ITGA2: variants seen among roughly 807,000 people sequenced by gnomAD.
ITGA2 encodes the protein integrin alpha-2.
ITGA2 carries 101 observed loss-of-function variants against 146.3 expected under a neutral mutation model. That is an observed-to-expected ratio of 0.69 (90% CI 0.59 to 0.81). The LOEUF (loss-of-function observed/expected upper bound fraction) is 0.81. Among genes scored for constraint, ITGA2 ranks in the 40% least tolerant of loss-of-function variants. The pLI is 0.00. For missense variants in ITGA2, 1,281 were observed against 1,402.7 expected (o/e 0.91, Z 1.39); for synonymous variants, 477 against 487.1 (o/e 0.98, Z 0.27).
At chr5:52,999,763 A>G (rs964272562) in intron 1 of ITGA2, among the ~76,000 whole-genome samples, 2 of 152,222 alleles carry the variant, frequency 1.3e-5, no homozygotes, top group Non-Finnish European at 2.9e-5. Flanking sequence ...GCTATGGTAA[A>G]CAGTCATCAG....
intron 14 of ITGA2, 22 bp downstream of exon 14, chr5:53,065,137 T>C: frequency 1.9e-6 from 3 of 1,605,062 alleles, no homozygotes; most frequent in Non-Finnish European, 2.6e-6. Context: ...GCTGTTATGG[T>C]GATGTATGTA....
intron 6 of ITGA2, 45 bp downstream of exon 6, chr5:53,048,815 GA>G (rs368879168): frequency 8.0e-4 from 1,280 of 1,599,336 alleles, no homozygotes; most frequent in Admixed American, 1.2e-3. Flanking sequence ...CTTTCTTTCT[GA>G]AAAAAATATT....
At chr5:53,057,483 C>T (rs1269690448) in intron 9 of ITGA2, among the ~76,000 whole-genome samples, 2 of 151,908 alleles carry the variant, frequency 1.3e-5, no homozygotes, top group South Asian at 2.1e-4. Flanking sequence ...AACAAACTTC[C>T]CAATTGGTAA....
At chr5:53,062,261 T>G (rs1744936541) in intron 12 of ITGA2, among the ~76,000 whole-genome samples, 1 of 151,920 alleles carries the variant, frequency 6.6e-6, no homozygotes, top group Non-Finnish European at 1.5e-5. Flanking sequence ...AATGATATTT[T>G]AACTTTCTAA....
chr5:53,074,254 T>C lies in ITGA2; in HGVS notation c.2572-131T>C, dbSNP rs1394177437. 5.5e-6 allele frequency: 4 copies of C among 732,366 alleles called. No individual in the cohort carries two copies. The East Asian group carries it at 1.1e-4, about 20-fold the overall frequency. 45.4% of individuals were successfully genotyped at this position (732,366 alleles called of 1,614,324 possible). On this transcript the variant is annotated intron_variant, in intron 20 of 29. Coordinates refer to ENST00000296585, the MANE Select transcript of ITGA2 (RefSeq NM_002203.4). ...CAGTATAAAATTTCAAGTCTTGAGG[T>C]ATAATAAATTATTTCAGTATGAACC...
At chr5:53,011,151 C>T (rs971061251) in intron 1 of ITGA2, among the ~76,000 whole-genome samples, 8 of 152,084 alleles carry the variant, frequency 5.3e-5, no homozygotes, top group Non-Finnish European at 1.2e-4. Flanking sequence ...TAAACCACAA[C>T]GTTTATGGTA....
At position 53,009,700 on chromosome 5, in the gene ITGA2, G is replaced by A. The variant is rs550434641; in HGVS notation, c.65-17048G>A. 9.2e-5 allele frequency among the ~76,000 whole-genome samples: 14 copies of A among 152,186 alleles called. No homozygotes were observed. In the South Asian group the frequency reaches 2.9e-3, roughly 32 times the overall value. On this transcript the variant is annotated intron_variant, in intron 1 of 29. Coordinates refer to ENST00000296585, the MANE Select transcript of ITGA2 (RefSeq NM_002203.4). ...ATATGCTGAGTGTTATGGACTGAAT[G>A]TTTGTGTCTCTCCAAAATGCATGTG...
chr5:53,027,011 G>A, intron 2 of ITGA2, 143 bp downstream of exon 2: 1 of 724,644 alleles, frequency 1.4e-6, no homozygotes, highest in Non-Finnish European at 2.4e-6. Context: ...ATCTTTCTTT[G>A]AGAGTTGACA....
chr5:53,021,344 A>G (rs1742671887), intron 1 of ITGA2, among the ~76,000 whole-genome samples: 6 of 152,194 alleles, frequency 3.9e-5, no homozygotes, highest in Admixed American at 3.9e-4. Context: ...TTCTTAGGCC[A>G]CCTAAGACTG....
Position 53,065,967 on chromosome 5 carries a change from G to T in ITGA2, c.1933G>T (p.Val645Phe). The T allele has an allele frequency of 6.2e-7, 1 of 1,611,866 alleles. No individual in the cohort carries two copies. The highest frequency in any genetic ancestry group is 8.5e-7 in the Non-Finnish European group (1 of 1,178,552). Reference protein sequence around the residue: ...DVSIGAFGQVVQLWSQSIADV... With the variant: ...DVSIGAFGQVFQLWSQSIADV... Reference sequence around the variant, plus strand: ...GTCTATTGGTGCCTTTGGACAAGTGGTTCAACTCTGGTGAGTCAGGAAGAG... The same window carrying T: ...GTCTATTGGTGCCTTTGGACAAGTGTTTCAACTCTGGTGAGTCAGGAAGAG... The change falls in exon 15 of 30, where the codon GTT (valine) becomes TTT (phenylalanine). Residue 645 changes from valine to phenylalanine, a missense_variant. Val to Phe is a conservative substitution (Grantham distance 50, BLOSUM62 -1). Around this residue, in one of 3 missense-constraint regions of ITGA2, gnomAD observed 795 missense variants for 841.7 expected, o/e 0.94. Coordinates refer to ENST00000296585, the MANE Select transcript of ITGA2 (RefSeq NM_002203.4).
Position 53,073,126 on chromosome 5 carries a change from C to A in ITGA2, c.2438C>A (p.Pro813His), listed in dbSNP as rs374825162. 2.0e-5 allele frequency: 33 copies of A among 1,611,704 alleles called. No homozygotes were observed. The highest frequency in any genetic ancestry group is 2.7e-5 in the Non-Finnish European group (32 of 1,178,670). Residue 813 changes from proline to histidine, a missense_variant, in exon 20 of 30, where the codon CCC becomes CAC. By Grantham distance (77) the Pro-to-His change is moderately conservative. Transcript: ENST00000296585. ...CTTTTTACTTTTAACAGAGAACAAC[C>A]CTTTATTGTCAGCAACCAAAACAAA... ...VRQIPAAQEQ[P>H]FIVSNQNKRL...
At chr5:53,071,029 A>T (rs1367714559) in intron 17 of ITGA2, among the ~76,000 whole-genome samples, 1 of 151,972 alleles carries the variant, frequency 6.6e-6, no homozygotes, top group Admixed American at 6.6e-5. Flanking sequence ...AGGCCCAAGG[A>T]ATATGCAGAT....
intron 28 of ITGA2, among the ~76,000 whole-genome samples, chr5:53,087,475 TAAAG>T (rs745510085): frequency 5.3e-5 from 8 of 152,214 alleles, no homozygotes; most frequent in Non-Finnish European, 1.0e-4. Flanking sequence ...GAAAAATTTT[TAAAG>T]AAAGGTACTG....
At chr5:52,997,835 T>A (rs553313656) in intron 1 of ITGA2, among the ~76,000 whole-genome samples, 1 of 152,344 alleles carries the variant, frequency 6.6e-6, no homozygotes, top group South Asian at 2.1e-4. Flanking sequence ...ATATTCTGAA[T>A]GCTGGTGCAT....
chr5:53,006,029 C>T (rs552673119), intron 1 of ITGA2, among the ~76,000 whole-genome samples: 108 of 151,878 alleles, frequency 7.1e-4, no homozygotes, highest in African/African-American at 2.3e-3. Flanking sequence ...ACATGGACCC[C>T]GGGAGGGGAA....
At chr5:53,012,203 C>T (rs1284890740) in intron 1 of ITGA2, among the ~76,000 whole-genome samples, 1 of 152,094 alleles carries the variant, frequency 6.6e-6, no homozygotes, top group African/African-American at 2.4e-5. Context: ...TATTCTCCTA[C>T]TGTACACTCT....
chr5:53,060,827 C>A, intron 11 of ITGA2, 74 bp from the exon 12 acceptor site: 2 of 1,416,756 alleles, frequency 1.4e-6, no homozygotes, highest in South Asian at 1.2e-5. Context: ...CTCTGGTCAC[C>A]TTTACTCACT....
At position 53,075,207 on chromosome 5, in the gene ITGA2, G is replaced by T. The variant is rs184992368; in HGVS notation, c.2742-14G>T. 1.7e-4 allele frequency: 269 copies of T among 1,611,448 alleles called. 2 individuals are homozygous for T. The African/African-American group carries it at 3.1e-3, about 18-fold the overall frequency. On this transcript the variant is annotated splice_polypyrimidine_tract_variant and intron_variant, in intron 22 of 29. Transcript: ENST00000296585. ...ATTTCTCTTTAAGTAATTTCCTAAT[G>T]TTTCTTTCTATAGTGAAAGCCAAGA...
chr5:53,076,526 C>A (rs2112012193), intron 23 of ITGA2, among the ~76,000 whole-genome samples: 1 of 152,116 alleles, frequency 6.6e-6, no homozygotes, highest in African/African-American at 2.4e-5. Flanking sequence ...TTCAAAGGAT[C>A]CCCACTTGCT....
Sources: allele counts gnomAD v4.1 joint callset (sites outside exome capture counted in the v4.1 genomes callset), GRCh38; gene constraint gnomAD v4.1.1; regional missense constraint gnomAD v4.1.1; transcripts MANE v1.5; gene names NCBI Gene and HGNC (gene_info 2026-07-23, HGNC 2026-07-21).